Variants in TPX2 observed in about 807,000 individuals in gnomAD.
The protein encoded by TPX2 is targeting protein for Xklp2.
Under a neutral mutation model 93.6 loss-of-function variants are expected in TPX2, and 21 were observed. The ratio of observed to expected loss-of-function variants is 0.22; its 90% CI spans 0.16 to 0.32. TPX2 has a LOEUF of 0.32. TPX2 is among the 10% of genes least tolerant of loss of function. The pLI, the probability that TPX2 is intolerant of heterozygous loss-of-function variation, is 1.00. For missense variants in TPX2, 776 were observed against 871.1 expected, an observed-to-expected ratio of 0.89 and a Z score of 1.37; for synonymous variants, 281 against 298.3, an observed-to-expected ratio of 0.94 and a Z score of 0.60.
At chr20:31,747,179 G>A (rs150760689) in intron 2 of TPX2, among the ~76,000 whole-genome samples, 47 of 152,220 alleles carry the variant, frequency 3.1e-4, no homozygotes, top group African/African-American at 1.1e-3. Context: ...GGAGTGCAGC[G>A]GTGCAATCTC....
At chr20:31,779,306 A>G (rs942554482) in intron 10 of TPX2, among the ~76,000 whole-genome samples, 2 of 152,226 alleles carry the variant, frequency 1.3e-5, no homozygotes, top group South Asian at 4.1e-4. Flanking sequence ...AGTTACCTAT[A>G]GAAAATGAAG....
chr20:31,766,407 T>C, intron 4 of TPX2, 149 bp from the exon 5 acceptor site: 1 of 823,046 alleles, frequency 1.2e-6, no homozygotes, highest in Non-Finnish European at 1.8e-6. Context: ...TAAACTGGTC[T>C]TCTGTATAAG....
At chr20:31,770,751 G>A (rs1288111281) in intron 6 of TPX2, among the ~76,000 whole-genome samples, 1 of 152,066 alleles carries the variant, frequency 6.6e-6, no homozygotes, top group African/African-American at 2.4e-5. Context: ...CATACATGAT[G>A]TTTGTTTATA....
At chr20:31,745,295 T>C (rs1290442392) in intron 2 of TPX2, among the ~76,000 whole-genome samples, 1 of 151,884 alleles carries the variant, frequency 6.6e-6, no homozygotes, top group African/African-American at 2.4e-5. Flanking sequence ...CCAGCCTTGT[T>C]ACTTCTTCAC....
At chr20:31,745,180 GTATATATTCA>G (rs2122945483) in intron 2 of TPX2, among the ~76,000 whole-genome samples, 1 of 152,310 alleles carries the variant, frequency 6.6e-6, no homozygotes, top group East Asian at 1.9e-4. Flanking sequence ...ACCTAAAACA[GTATATATTCA>G]CATAGGCATA....
Position 31,777,648 on chromosome 20 carries a change from T to C in TPX2, c.882+10T>C. The C allele has an allele frequency of 6.2e-7, 1 of 1,610,100 alleles. No individual in the cohort carries two copies. The highest frequency in any genetic ancestry group is 1.1e-5 in the South Asian group (1 of 90,860). On this transcript the variant is annotated intron_variant, in intron 9 of 17. Coordinates refer to ENST00000300403, the MANE Select transcript of TPX2 (RefSeq NM_012112.5). ...GCATCCTTCATCTCCTGTAAGTTGATGGACTAAATGAACATTTCTGTTACT... is the reference window on the plus strand; with the variant it reads ...GCATCCTTCATCTCCTGTAAGTTGACGGACTAAATGAACATTTCTGTTACT...
chr20:31,789,396 T>C (rs1289360265), intron 12 of TPX2, among the ~76,000 whole-genome samples: 1 of 152,212 alleles, frequency 6.6e-6, no homozygotes, highest in East Asian at 1.9e-4. Context: ...AATTCAAAGA[T>C]GGTATAAGAC....
intron 2 of TPX2, among the ~76,000 whole-genome samples, chr20:31,746,605 G>A (rs1015810662): frequency 4.6e-5 from 7 of 152,316 alleles, no homozygotes; most frequent in African/African-American, 1.2e-4. Flanking sequence ...GGATAGCAAG[G>A]TGTTTGAGAG....
Position 31,777,495 on chromosome 20 carries a change from G to A in TPX2, c.739G>A (p.Val247Met). 6.2e-7 allele frequency: 1 copy of A among 1,613,902 alleles called. No individual in the cohort carries two copies. The highest frequency in any genetic ancestry group is 8.5e-7 in the Non-Finnish European group (1 of 1,179,890). ...CTGTGTTCATCTCTCAGGGCAACCT[G>A]TGAAGAAATCAGTGAGCCAGGTCAC... Reference protein sequence around the residue: ...KLALAGIGQPVKKSVSQVTKS... With the variant: ...KLALAGIGQPMKKSVSQVTKS... Residue 247 changes from valine to methionine, a missense_variant, in exon 9 of 18, where the codon GTG becomes ATG. Physicochemically the swap from Val to Met is conservative, Grantham distance 21. This residue lies in a region of TPX2 where 279 missense variants were observed against 261.6 expected (regional missense o/e 1.07). Coordinates refer to ENST00000300403, the MANE Select transcript of TPX2 (RefSeq NM_012112.5).
At chr20:31,751,115 G>A (rs1423970914) in intron 2 of TPX2, among the ~76,000 whole-genome samples, 3 of 152,134 alleles carry the variant, frequency 2.0e-5, no homozygotes, top group Non-Finnish European at 4.4e-5. Context: ...GGGCCCAGGA[G>A]TTCGAGTCTA....
At chr20:31,757,114 A>C (rs2061856939) in intron 2 of TPX2, among the ~76,000 whole-genome samples, 1 of 151,974 alleles carries the variant, frequency 6.6e-6, no homozygotes. Flanking sequence ...GGGTCTGTCT[A>C]TGTTTTGTAG....
intron 1 of TPX2, among the ~76,000 whole-genome samples, chr20:31,741,374 C>T (rs939479301): frequency 6.6e-6 from 1 of 151,180 alleles, no homozygotes; most frequent in East Asian, 1.9e-4. Context: ...TGCAGTGGCG[C>T]GATTTCAGCT....
chr20:31,769,750 T>C (rs2061953176), intron 5 of TPX2, among the ~76,000 whole-genome samples: 1 of 152,202 alleles, frequency 6.6e-6, no homozygotes, highest in Non-Finnish European at 1.5e-5. Context: ...TGTGCACTTT[T>C]TGGTATGTAT....
At chr20:31,787,329 A>T (rs2123071519) in intron 12 of TPX2, among the ~76,000 whole-genome samples, 2 of 151,490 alleles carry the variant, frequency 1.3e-5, no homozygotes, top group Middle Eastern at 6.8e-3. Flanking sequence ...TCTGAGTTTG[A>T]CACTGGCTGT....
chr20:31,776,145 A>G lies in TPX2; in HGVS notation c.730+157A>G, dbSNP rs1250902051. Among the ~76,000 whole-genome samples, 3 of 139,978 alleles carry G rather than the reference A, an allele frequency of 2.1e-5. No individual in the cohort carries two copies. The Admixed American group carries it at 2.5e-4, about 12-fold the overall frequency. The allele number at this position is 139,978 out of a possible 152,430, so 91.8% of individuals were successfully genotyped here. A position where few individuals can be genotyped will look rare whatever the true frequency, so the allele number is the denominator to read the frequency against. ...CCGGACTGCGGACTGCAGTGGCGCAATCTCGGCTCACTGCAAGCTCCGCTT... is the reference window on the plus strand; with the variant it reads ...CCGGACTGCGGACTGCAGTGGCGCAGTCTCGGCTCACTGCAAGCTCCGCTT... On this transcript the variant is annotated intron_variant, in intron 8 of 17. Transcript: ENST00000300403.
chr20:31,755,455 T>C (rs1446977396), intron 2 of TPX2, among the ~76,000 whole-genome samples: 1 of 152,072 alleles, frequency 6.6e-6, no homozygotes, highest in Non-Finnish European at 1.5e-5. Context: ...AAGATACAGA[T>C]ACTTTTAAGT....
intron 17 of TPX2, among the ~76,000 whole-genome samples, chr20:31,800,068 A>AAT (rs2062160886): frequency 6.6e-6 from 1 of 152,150 alleles, no homozygotes; most frequent in Admixed American, 6.5e-5. Context: ...GCAACATAGC[A>AAT]AAGTCCCATC....
chr20:31,748,298 G>T (rs1239665186), intron 2 of TPX2, among the ~76,000 whole-genome samples: 1 of 152,092 alleles, frequency 6.6e-6, no homozygotes, highest in Non-Finnish European at 1.5e-5. Context: ...AGACCTCAGA[G>T]GACAGCCTTT....
chr20:31,779,054 C>G (rs2062018859), intron 10 of TPX2, 70 bp downstream of exon 10: 7 of 1,446,740 alleles, frequency 4.8e-6, no homozygotes, highest in Non-Finnish European at 5.5e-6. Flanking sequence ...ATCTTAGGCA[C>G]AGATTTGTCT....
Sources: gnomAD v4.1 joint callset for allele counts (sites outside exome capture counted in the v4.1 genomes callset) on GRCh38, gnomAD v4.1.1 for gene constraint, gnomAD v4.1.1 regional missense constraint, MANE v1.5 for transcripts, NCBI Gene and HGNC (gene_info 2026-07-23, HGNC 2026-07-21) for gene names.